The following MYO3B variants were observed in gnomAD, a reference collection of about 807,000 sequenced individuals.
MYO3B encodes myosin IIIB, also known as myosin-IIIb.
In MYO3B, 156 loss-of-function variants were observed where a neutral mutation model predicts 174.6. The ratio of observed to expected loss-of-function variants is 0.89; its 90% CI spans 0.78 to 1.02. The LOEUF (loss-of-function observed/expected upper bound fraction) is 1.02. Among genes scored for constraint, MYO3B ranks in the 50% least tolerant of loss-of-function variants. The pLI is 0.00. For missense variants in MYO3B, 1,632 were observed against 1,639.4 expected (o/e 1.00, Z 0.08); for synonymous variants, 563 against 569.1 (o/e 0.99, Z 0.15).
intron 22 of MYO3B, among the ~76,000 whole-genome samples, chr2:170,422,592 A>C (rs1352207112): frequency 6.6e-6 from 1 of 151,308 alleles, no homozygotes; most frequent in Non-Finnish European, 1.5e-5. Flanking sequence ...CCAAGTGGCC[A>C]GGATTACAGG....
In MYO3B at chr2:170,530,382, G is replaced by A. The variant is rs1174100457; in HGVS notation, c.3575+10842G>A. ...CCAGACCCTCCCGGGAGAGCTCTTT[G>A]TGTCAACAAGAACAGCCAGTGCTCC... On this transcript the variant is annotated intron_variant, in intron 30 of 34. Transcript: ENST00000408978. Among the ~76,000 whole-genome samples, 2 of 152,222 alleles carry A rather than the reference G, an allele frequency of 1.3e-5. 1 individual carries two copies. Among genetic ancestry groups the A allele is most frequent in the Non-Finnish European group, 2.9e-5 (2 of 68,036 alleles).
intron 7 of MYO3B, among the ~76,000 whole-genome samples, chr2:170,248,224 G>A (rs371376697): frequency 2.2e-4 from 34 of 152,194 alleles, no homozygotes; most frequent in African/African-American, 7.9e-4. Context: ...CTTCCGGAAG[G>A]GTGAAGGGAT....
intron 8 of MYO3B, among the ~76,000 whole-genome samples, chr2:170,360,315 A>G (rs2094151451): frequency 6.6e-6 from 1 of 152,184 alleles, no homozygotes; most frequent in Non-Finnish European, 1.5e-5. Context: ...GAAGCAGACC[A>G]TGACTGTTTG....
At chr2:170,270,908 A>G (rs911654576) in intron 7 of MYO3B, among the ~76,000 whole-genome samples, 1 of 152,228 alleles carries the variant, frequency 6.6e-6, no homozygotes, top group African/African-American at 2.4e-5. Flanking sequence ...ATAAAGGAAG[A>G]AAAGTATTTT....
chr2:170,626,149 T>C (rs1466350790), intron 32 of MYO3B, among the ~76,000 whole-genome samples: 1 of 152,166 alleles, frequency 6.6e-6, no homozygotes, highest in African/African-American at 2.4e-5. Flanking sequence ...ATGTTGACCG[T>C]GGGGTGTTGA....
At chr2:170,516,700 T>G (rs1205572705) in intron 29 of MYO3B, among the ~76,000 whole-genome samples, 5 of 151,568 alleles carry the variant, frequency 3.3e-5, no homozygotes, top group African/African-American at 1.2e-4. Flanking sequence ...TTTGGAAGGA[T>G]TTAGTTCCTC....
chr2:170,572,068 T>C (rs1230440019), intron 32 of MYO3B, among the ~76,000 whole-genome samples: 1 of 152,016 alleles, frequency 6.6e-6, no homozygotes, highest in Non-Finnish European at 1.5e-5. Context: ...ATCCCAGCAC[T>C]TTGGGAGGCT....
intron 23 of MYO3B, among the ~76,000 whole-genome samples, chr2:170,458,749 A>C (rs1684056780): frequency 6.6e-6 from 1 of 152,224 alleles, no homozygotes; most frequent in Non-Finnish European, 1.5e-5. Context: ...GGCTGAGAGA[A>C]GCAACTTCTG....
intron 7 of MYO3B, among the ~76,000 whole-genome samples, chr2:170,246,232 C>G (rs1015524896): frequency 2.6e-5 from 4 of 152,062 alleles, no homozygotes; most frequent in Non-Finnish European, 5.9e-5. Context: ...AATTCCCACC[C>G]CATGGTTGAT....
intron 3 of MYO3B, among the ~76,000 whole-genome samples, chr2:170,209,297 A>G (rs2092746654): frequency 6.6e-6 from 1 of 152,222 alleles, no homozygotes; most frequent in Admixed American, 6.5e-5. Context: ...TATATGCTCC[A>G]AATTTTGTTC....
At chr2:170,379,839 A>G (rs976292993) in intron 9 of MYO3B, among the ~76,000 whole-genome samples, 1 of 152,238 alleles carries the variant, frequency 6.6e-6, no homozygotes, top group Non-Finnish European at 1.5e-5. Flanking sequence ...GACTAATAGC[A>G]TGCTTCAAAT....
intron 32 of MYO3B, among the ~76,000 whole-genome samples, chr2:170,583,441 C>T (rs938453830): frequency 6.6e-6 from 1 of 152,112 alleles, no homozygotes; most frequent in African/African-American, 2.4e-5. Flanking sequence ...AGTGACAGGT[C>T]AAGGCTACGA....
chr2:170,221,423 C>T (rs1175130904), intron 6 of MYO3B, among the ~76,000 whole-genome samples: 1 of 151,886 alleles, frequency 6.6e-6, no homozygotes, highest in Non-Finnish European at 1.5e-5. Flanking sequence ...TTCTACAAAC[C>T]GGGTAGCTAA....
intron 7 of MYO3B, among the ~76,000 whole-genome samples, chr2:170,278,327 C>T (rs908429146): frequency 1.3e-5 from 2 of 152,114 alleles, no homozygotes; most frequent in Non-Finnish European, 2.9e-5. Flanking sequence ...ATTCTTTCTA[C>T]AGTTCATTCT....
At chr2:170,555,325 G>A (rs1691210238) in intron 32 of MYO3B, among the ~76,000 whole-genome samples, 1 of 152,030 alleles carries the variant, frequency 6.6e-6, no homozygotes, top group East Asian at 1.9e-4. Flanking sequence ...TACGTTCTGT[G>A]AGCTTTGACA....
chr2:170,519,004 A>G (rs1428639838), intron 29 of MYO3B, among the ~76,000 whole-genome samples: 1 of 152,230 alleles, frequency 6.6e-6, no homozygotes, highest in Non-Finnish European at 1.5e-5. Flanking sequence ...CCCTGTTTAC[A>G]GTTAATCCTA....
chr2:170,435,352 A>T lies in MYO3B; in HGVS notation c.2651-8615A>T, dbSNP rs144526090. ...GGAGGACTTTGAAAGGAGAGATGAT[A>T]GGAATCATAGGTAATGAACTGTCAG... On this transcript the variant is annotated intron_variant, in intron 22 of 34. Coordinates refer to ENST00000408978, the MANE Select transcript of MYO3B (RefSeq NM_138995.5). Among the ~76,000 whole-genome samples the T allele has an allele frequency of 1.2e-3, 187 of 152,350 alleles. 1 individual carries two copies. Among genetic ancestry groups the T allele is most frequent in the African/African-American group, 4.4e-3 (181 of 41,582 alleles).
In MYO3B at chr2:170,571,414, A is replaced by G. The variant is rs117697734; in HGVS notation, c.3733+27426A>G. Among the ~76,000 whole-genome samples the G allele has an allele frequency of 4.6e-5, 7 of 152,190 alleles. No individual in the cohort carries two copies. The East Asian group carries it at 1.2e-3, about 25-fold the overall frequency. ...CAAAGCTAGTAGTTTGTTTTGTTAG[A>G]GTGTAGGCTGAGTTCTGAGGAATGG... On this transcript the variant is annotated intron_variant, in intron 32 of 34. Coordinates refer to ENST00000408978, the MANE Select transcript of MYO3B (RefSeq NM_138995.5).
At chr2:170,517,715 G>A (rs1355113156) in intron 29 of MYO3B, among the ~76,000 whole-genome samples, 1 of 152,136 alleles carries the variant, frequency 6.6e-6, no homozygotes, top group Non-Finnish European at 1.5e-5. Flanking sequence ...TATCCCTGAA[G>A]TGGGTTCCCC....
Sources: allele counts gnomAD v4.1 joint callset (sites outside exome capture counted in the v4.1 genomes callset), GRCh38; gene constraint gnomAD v4.1.1; transcripts MANE v1.5; gene names NCBI Gene and HGNC (gene_info 2026-07-23, HGNC 2026-07-21).